ADGRA2: variants seen among roughly 807,000 people sequenced by gnomAD.
The protein encoded by ADGRA2 is adhesion G protein-coupled receptor A2, also known as G-protein coupled receptor 124.
Under a neutral mutation model 98.7 loss-of-function variants are expected in ADGRA2, and 61 were observed. The ratio of observed to expected loss-of-function variants is 0.62; its 90% CI spans 0.50 to 0.76. The LOEUF (loss-of-function observed/expected upper bound fraction) is 0.76. ADGRA2 is among the 30% of genes least tolerant of loss of function. ADGRA2 has a pLI of 0.00. For missense variants in ADGRA2, 1,712 were observed against 1,860.0 expected (o/e 0.92, Z 1.46); for synonymous variants, 858 against 831.5 (o/e 1.03, Z -0.55).
Position 37,830,610 on chromosome 8 carries a change from G to GGGC in ADGRA2, c.719-100_719-99insGGC. 3.1e-5 allele frequency: 18 copies of GGGC among 579,886 alleles called. No individual in the cohort carries two copies. Among genetic ancestry groups the GGGC allele is most frequent in the Non-Finnish European group, 4.1e-5 (13 of 315,942 alleles). 35.9% of individuals were successfully genotyped at this position (579,886 alleles called of 1,614,324 possible). ...AGCTGGAGCAGGCTGCAGGCCGAGG[G>GGGC]CCCCGCCCCGCCCCACCCCATCCTG... is the stretch of plus-strand genomic sequence containing the variant. On this transcript the variant is annotated intron_variant, in intron 6 of 18. Transcript: ENST00000412232. The surrounding 1 kb of genome is among the most constrained non-coding windows in gnomAD (Gnocchi z 4.8).
chr8:37,809,777 T>C (rs1804772748), intron 1 of ADGRA2, among the ~76,000 whole-genome samples: 1 of 151,838 alleles, frequency 6.6e-6, no homozygotes, highest in Non-Finnish European at 1.5e-5. Context: ...AGCCCTTGCC[T>C]CCCAGCACAC....
At chr8:37,840,619 C>G (rs1805759259) in intron 17 of ADGRA2, 141 bp from the exon 18 acceptor site, 1 of 660,842 alleles carries the variant, frequency 1.5e-6, no homozygotes, top group Non-Finnish European at 2.7e-6. Flanking sequence ...CCTGCAGGGA[C>G]CTTGCATCCC....
At chr8:37,818,540 T>A (rs949398483) in intron 2 of ADGRA2, among the ~76,000 whole-genome samples, 1 of 152,232 alleles carries the variant, frequency 6.6e-6, no homozygotes, top group Non-Finnish European at 1.5e-5. Context: ...AGTCGTGCGA[T>A]GTAGGAGCAG....
intron 2 of ADGRA2, among the ~76,000 whole-genome samples, chr8:37,823,345 G>T (rs1180821433): frequency 6.6e-6 from 1 of 151,862 alleles, no homozygotes; most frequent in African/African-American, 2.4e-5. Flanking sequence ...GGACTTACAG[G>T]CACGCACCAC....
In ADGRA2 at chr8:37,844,176, G is replaced by T. The variant is rs183936139; in HGVS notation, c.*1821G>T. On this transcript the variant is annotated 3_prime_UTR_variant, in exon 19 of 19. Coordinates refer to ENST00000412232, the MANE Select transcript of ADGRA2 (RefSeq NM_032777.10). ...CAGGCCTGCAGGAGGAGCCGCAGCA[G>T]TGTGTCCAATTCAAACCAGCAGCAA... 71 of 334,888 alleles carry T rather than the reference G, an allele frequency of 2.1e-4. No homozygotes were observed. The Admixed American group carries it at 2.3e-3, about 11-fold the overall frequency. The allele number at this position is 334,888 out of a possible 1,614,324, so 20.7% of individuals were successfully genotyped here. A position where few individuals can be genotyped will look rare whatever the true frequency, so the allele number is the denominator to read the frequency against.
At position 37,828,996 on chromosome 8, in the gene ADGRA2, C is replaced by A. The variant is rs760808986; in HGVS notation, c.410+37C>A. The A allele has an allele frequency of 3.5e-6, 5 of 1,441,704 alleles. No homozygotes were observed. In the South Asian group the frequency reaches 5.3e-5, roughly 15 times the overall value. The allele number at this position is 1,441,704 out of a possible 1,614,324, so 89.3% of individuals were successfully genotyped here. ...GCCCTCCCCTGACCCCACCCCTCCC[C>A]TCCCGAGGGAGAAAGTCACCCCTCC... On this transcript the variant is annotated intron_variant, in intron 3 of 18. Coordinates refer to ENST00000412232, the MANE Select transcript of ADGRA2 (RefSeq NM_032777.10).
chr8:37,842,679 G>A lies in ADGRA2; in HGVS notation c.*324G>A, dbSNP rs1291518076. ...CACCCTCCCCAAGTACTCCCACCCCGCCTACTGTCCATGCGGCCTCACTGG... is the reference window on the plus strand; with the variant it reads ...CACCCTCCCCAAGTACTCCCACCCCACCTACTGTCCATGCGGCCTCACTGG... On this transcript the variant is annotated 3_prime_UTR_variant, in exon 19 of 19. Coordinates refer to ENST00000412232, the MANE Select transcript of ADGRA2 (RefSeq NM_032777.10). 7.2e-6 allele frequency: 2 copies of A among 276,668 alleles called. No individual in the cohort carries two copies. Among genetic ancestry groups the A allele is most frequent in the South Asian group, 1.3e-4 (1 of 7,660 alleles). The allele number at this position is 276,668 out of a possible 1,614,324, so 17.1% of individuals were successfully genotyped here. A position where few individuals can be genotyped will look rare whatever the true frequency, so the allele number is the denominator to read the frequency against.
At chr8:37,831,317 T>G (rs1435991270) in intron 7 of ADGRA2, 106 bp from the exon 8 acceptor site, 2 of 1,046,958 alleles carry the variant, frequency 1.9e-6, no homozygotes, top group African/African-American at 3.2e-5. Context: ...CTTGTTTCAT[T>G]AAAGAAAAAA....
chr8:37,800,629 C>G (rs1323346088), intron 1 of ADGRA2, among the ~76,000 whole-genome samples: 5 of 152,006 alleles, frequency 3.3e-5, no homozygotes, highest in Non-Finnish European at 7.4e-5. Context: ...AGTTTTGAGG[C>G]CCCTAAGGTC....
chr8:37,798,053 G>A (rs1804390317), intron 1 of ADGRA2, among the ~76,000 whole-genome samples: 1 of 152,188 alleles, frequency 6.6e-6, no homozygotes, highest in African/African-American at 2.4e-5. Flanking sequence ...GCCTGCCAGC[G>A]CCGCTTCCAG....
Position 37,797,128 on chromosome 8 carries a change from G to T in ADGRA2, c.-141G>T. 1 of 525,674 alleles carries T rather than the reference G, an allele frequency of 1.9e-6. No homozygotes were observed. The highest frequency in any genetic ancestry group is 5.6e-5 in the East Asian group (1 of 17,994). 32.6% of individuals were successfully genotyped at this position (525,674 alleles called of 1,614,324 possible). ...CGGGGCGCGGCGGCGGGGACCCCGG[G>T]GCTCGCCTCCGCCCAGGGCCCCCCT... On this transcript the variant is annotated 5_prime_UTR_variant, in exon 1 of 19. Transcript: ENST00000412232. This position sits in a 1 kb window ranked among gnomAD's most constrained non-coding sequence, Gnocchi z 5.3.
At chr8:37,839,293 C>T in intron 15 of ADGRA2, 1 of 692,294 alleles carries the variant, frequency 1.4e-6, no homozygotes, top group Non-Finnish European at 1.8e-6. Flanking sequence ...CAGGTGGGTC[C>T]ACATGACTTT....
At chr8:37,807,486 G>A (rs1053909939) in intron 1 of ADGRA2, among the ~76,000 whole-genome samples, 10 of 152,198 alleles carry the variant, frequency 6.6e-5, no homozygotes, top group African/African-American at 1.4e-4. Flanking sequence ...TTAAGCATTG[G>A]TTAATTTCCG....
In ADGRA2 at chr8:37,829,258, T is replaced by C. The variant is rs1454637451; in HGVS notation, c.411-3T>C. 2 of 1,612,762 alleles carry C rather than the reference T, an allele frequency of 1.2e-6. No individual in the cohort carries two copies. The highest frequency in any genetic ancestry group is 1.7e-6 in the Non-Finnish European group (2 of 1,179,102). Reference sequence around the variant, plus strand: ...CATGCTGAGGTTGCCTGTGTCTCTCTAGAGATCTCTCCAACAACCGGATTG... The same window carrying C: ...CATGCTGAGGTTGCCTGTGTCTCTCCAGAGATCTCTCCAACAACCGGATTG... On this transcript the variant is annotated splice_polypyrimidine_tract_variant and splice_region_variant and intron_variant, in intron 3 of 18. Coordinates refer to ENST00000412232, the MANE Select transcript of ADGRA2 (RefSeq NM_032777.10).
At chr8:37,833,636 CG>C in intron 9 of ADGRA2, 51 bp from the exon 10 acceptor site, 2 of 1,592,836 alleles carry the variant, frequency 1.3e-6, no homozygotes, top group Non-Finnish European at 1.7e-6. Flanking sequence ...AGGGGCAGTT[CG>C]GGGGCAGAAG....
At chr8:37,810,793 C>G (rs1804805148) in intron 1 of ADGRA2, among the ~76,000 whole-genome samples, 1 of 152,060 alleles carries the variant, frequency 6.6e-6, no homozygotes. Context: ...GCCACTGCAC[C>G]AGGCCTAAAT....
intron 1 of ADGRA2, among the ~76,000 whole-genome samples, chr8:37,807,492 T>C (rs1804709954): frequency 6.6e-6 from 1 of 152,224 alleles, no homozygotes; most frequent in South Asian, 2.1e-4. Context: ...ATTGGTTAAT[T>C]TCCGTCTTTG....
chr8:37,804,097 T>TGAGA (rs201030392), intron 1 of ADGRA2, among the ~76,000 whole-genome samples: 3 of 73,340 alleles, frequency 4.1e-5, no homozygotes, highest in South Asian at 8.2e-4. Context: ...CTGCCCACGG[T>TGAGA]GAGACACACA....
chr8:37,841,699 C>A lies in ADGRA2; in HGVS notation c.3361C>A (p.Pro1121Thr). Residue 1121 changes from proline to threonine, a missense_variant, in exon 19 of 19, where the codon CCA (proline) becomes ACA (threonine). Coordinates refer to ENST00000412232, the MANE Select transcript of ADGRA2 (RefSeq NM_032777.10). The surrounding 1 kb of genome is among the most constrained non-coding windows in gnomAD (Gnocchi z 5.0). ...GGGCCCCCCCTCCCTCAAGTCCTCC[C>A]CAAGCGGCAGCAGCGGCCATCCGCT... is the stretch of plus-strand genomic sequence containing the variant. The part of the protein sequence containing the change: ...GEGPPSLKSS[P>T]SGSSGHPLAL... The A allele has an allele frequency of 6.5e-7, 1 of 1,540,220 alleles. No homozygotes were observed.
Sources: allele counts gnomAD v4.1 joint callset (sites outside exome capture counted in the v4.1 genomes callset), GRCh38; gene constraint gnomAD v4.1.1; non-coding constraint Gnocchi (gnomAD v3.1); transcripts MANE v1.5; gene names NCBI Gene and HGNC (gene_info 2026-07-23, HGNC 2026-07-21).